Variants in RIC8B observed in about 807,000 individuals in gnomAD.
RIC8B encodes the protein chaperone Ric-8B.
A neutral mutation model predicts 57.5 loss-of-function variants in RIC8B; 16 were observed. The ratio of observed to expected loss-of-function variants is 0.28; its 90% CI spans 0.19 to 0.42. The LOEUF (loss-of-function observed/expected upper bound fraction) is 0.42, where lower values mean the gene tolerates loss of function less well. Among genes scored for constraint, RIC8B ranks in the 10% least tolerant of loss-of-function variants. The pLI is 1.00. For missense variants in RIC8B, 481 were observed against 677.0 expected, an observed-to-expected ratio of 0.71 and a Z score of 3.21; for synonymous variants, 216 against 250.8, an observed-to-expected ratio of 0.86 and a Z score of 1.31.
At chr12:106,811,333 T>TAA (rs1408918926) in intron 2 of RIC8B, among the ~76,000 whole-genome samples, 1 of 152,240 alleles carries the variant, frequency 6.6e-6, no homozygotes, top group African/African-American at 2.4e-5. Context: ...GTTCAGTGAT[T>TAA]CTCACATTGT....
intron 4 of RIC8B, among the ~76,000 whole-genome samples, chr12:106,826,682 G>A (rs1008705351): frequency 2.0e-4 from 30 of 152,348 alleles, no homozygotes; most frequent in Non-Finnish European, 3.8e-4. Flanking sequence ...CTGAACCTGG[G>A]AGGTGGAGGT....
chr12:106,835,913 G>T (rs1031267302), intron 4 of RIC8B, among the ~76,000 whole-genome samples: 5 of 152,280 alleles, frequency 3.3e-5, no homozygotes, highest in Middle Eastern at 6.8e-3. Context: ...CCCACCTGTT[G>T]CTGCTGTAGT....
intron 2 of RIC8B, among the ~76,000 whole-genome samples, chr12:106,794,887 A>G (rs2044407688): frequency 6.6e-6 from 1 of 152,264 alleles, no homozygotes; most frequent in Non-Finnish European, 1.5e-5. Flanking sequence ...GTATGAATAC[A>G]TAATTCTCCC....
intron 3 of RIC8B, among the ~76,000 whole-genome samples, chr12:106,818,946 A>G (rs978919444): frequency 6.6e-6 from 1 of 151,716 alleles, no homozygotes; most frequent in African/African-American, 2.4e-5. Flanking sequence ...TTATATTTTT[A>G]GTAGAGATGG....
At chr12:106,804,521 A>G (rs773200447) in intron 2 of RIC8B, among the ~76,000 whole-genome samples, 6 of 152,198 alleles carry the variant, frequency 3.9e-5, no homozygotes, top group Non-Finnish European at 7.4e-5. Context: ...AGTAGGTACT[A>G]TTATACCAGT....
chr12:106,866,969 T>C lies in RIC8B; in HGVS notation c.1452-3854T>C, dbSNP rs140203843. On this transcript the variant is annotated intron_variant, in intron 8 of 9. Coordinates refer to ENST00000392837, the MANE Select transcript of RIC8B (RefSeq NM_001330145.2). ...TTTGACAGATTATCCTATTCACTTA[T>C]GTTACCTGTCCAACTCCTGTAGGTT... is the stretch of plus-strand genomic sequence containing the variant. 3.8e-3 allele frequency among the ~76,000 whole-genome samples: 584 copies of C among 152,344 alleles called. 2 individuals are homozygous for C. Among genetic ancestry groups the C allele is most frequent in the African/African-American group, 0.014 (566 of 41,576 alleles).
chr12:106,801,093 T>C (rs1309783694), intron 2 of RIC8B, among the ~76,000 whole-genome samples: 1 of 152,204 alleles, frequency 6.6e-6, no homozygotes, highest in Non-Finnish European at 1.5e-5. Context: ...ACATTTCACA[T>C]GGGCAGTGGA....
chr12:106,837,669 T>C (rs550524272), intron 4 of RIC8B, among the ~76,000 whole-genome samples: 1 of 138,942 alleles, frequency 7.2e-6, no homozygotes, highest in East Asian at 2.0e-4. Flanking sequence ...TGACAGAGAG[T>C]CTCACTGTGT....
chr12:106,802,799 A>G (rs1048416835), intron 2 of RIC8B, among the ~76,000 whole-genome samples: 8 of 152,086 alleles, frequency 5.3e-5, no homozygotes, highest in Admixed American at 6.6e-5. Flanking sequence ...TAAGCAAATC[A>G]TTTAGCCTAT....
intron 3 of RIC8B, among the ~76,000 whole-genome samples, chr12:106,822,072 C>A (rs2045869037): frequency 1.2e-5 from 1 of 80,234 alleles, no homozygotes; most frequent in Non-Finnish European, 2.2e-5. Flanking sequence ...ACCGAGACTC[C>A]ATCTCAAAAA....
chr12:106,811,546 A>G (rs1279700864), intron 2 of RIC8B, among the ~76,000 whole-genome samples: 2 of 152,170 alleles, frequency 1.3e-5, no homozygotes, highest in Non-Finnish European at 2.9e-5. Flanking sequence ...TCGGGAGCAA[A>G]CTACTAAAAA....
chr12:106,833,654 A>C (rs2046458176), intron 4 of RIC8B, among the ~76,000 whole-genome samples: 1 of 152,300 alleles, frequency 6.6e-6, no homozygotes, highest in East Asian at 1.9e-4. Flanking sequence ...TATGTTCTGC[A>C]CACTTACTAT....
intron 2 of RIC8B, 77 bp from the exon 3 acceptor site, chr12:106,814,619 A>G: frequency 7.1e-7 from 1 of 1,400,440 alleles, no homozygotes; most frequent in South Asian, 1.4e-5. Flanking sequence ...GTTGTTAAGT[A>G]CATTGGCAGA....
chr12:106,839,626 A>G (rs975429599), intron 4 of RIC8B, among the ~76,000 whole-genome samples: 2 of 152,218 alleles, frequency 1.3e-5, no homozygotes, highest in South Asian at 4.1e-4. Context: ...AGCAGAGCCT[A>G]TAGTTAGCAA....
intron 2 of RIC8B, among the ~76,000 whole-genome samples, chr12:106,811,232 T>C (rs1254680473): frequency 6.6e-6 from 1 of 152,256 alleles, no homozygotes. Flanking sequence ...GGTTTTCAAG[T>C]CTGCCTGCTT....
chr12:106,880,079 A>G (rs191657132), intron 9 of RIC8B: 1 of 417,650 alleles, frequency 2.4e-6, no homozygotes, highest in Admixed American at 6.4e-5. Context: ...GACCTTCATA[A>G]TTTAGGATCA....
chr12:106,878,899 C>A, intron 9 of RIC8B: 1 of 810,828 alleles, frequency 1.2e-6, no homozygotes, highest in Non-Finnish European at 1.5e-6. Flanking sequence ...TTATGCAGTA[C>A]TCAATTAGAG....
chr12:106,792,471 T>C (rs761383474), intron 2 of RIC8B, among the ~76,000 whole-genome samples: 3 of 152,184 alleles, frequency 2.0e-5, no homozygotes, highest in Middle Eastern at 3.2e-3. Flanking sequence ...TTTTCTCATA[T>C]AGAGATTTCA....
chr12:106,809,243 A>T (rs998261921), intron 2 of RIC8B, among the ~76,000 whole-genome samples: 6 of 152,050 alleles, frequency 3.9e-5, no homozygotes, highest in African/African-American at 1.4e-4. Flanking sequence ...GTGTGGTGGG[A>T]CCGGGCATGG....
Sources: gnomAD v4.1 joint callset for allele counts (sites outside exome capture counted in the v4.1 genomes callset) on GRCh38, gnomAD v4.1.1 for gene constraint, MANE v1.5 for transcripts, NCBI Gene and HGNC (gene_info 2026-07-23, HGNC 2026-07-21) for gene names.